Variants in CABCOCO1 observed in about 807,000 individuals in gnomAD.
CABCOCO1 encodes ciliary-associated calcium-binding coiled-coil protein 1.
In CABCOCO1, 28 loss-of-function variants were observed where a neutral mutation model predicts 35.7. That is an observed-to-expected ratio of 0.78 (90% confidence interval 0.58 to 1.07). The LOEUF (loss-of-function observed/expected upper bound fraction) is 1.07. Among genes scored for constraint, CABCOCO1 ranks in the 50% least tolerant of loss-of-function variants. The pLI, the probability that CABCOCO1 is intolerant of heterozygous loss-of-function variation, is 0.00. For missense variants in CABCOCO1, 326 were observed against 309.2 expected, an observed-to-expected ratio of 1.05 and a Z score of -0.41; for synonymous variants, 95 against 100.1, an observed-to-expected ratio of 0.95 and a Z score of 0.30.
chr10:61,680,503 A>ATTATGTTATATATAACATATAATATG (rs1554821508), intron 2 of CABCOCO1, among the ~76,000 whole-genome samples: 86 of 136,864 alleles, frequency 6.3e-4, no homozygotes, highest in Non-Finnish European at 1.0e-3. Context: ...TATATGTTAT[A>ATTATGTTATATATAACATATAATATG]TTATGTTATA....
At chr10:61,721,608 C>T (rs1355280731) in intron 5 of CABCOCO1, among the ~76,000 whole-genome samples, 2 of 152,116 alleles carry the variant, frequency 1.3e-5, no homozygotes, top group Admixed American at 1.3e-4. Flanking sequence ...ACTGAAGTCA[C>T]AGAGTACAGC....
chr10:61,681,308 TAAAAG>T lies in CABCOCO1; in HGVS notation c.331_334+1del. The T allele has an allele frequency of 6.5e-7, 1 of 1,534,318 alleles. No individual in the cohort carries two copies. Among genetic ancestry groups the T allele is most frequent in the Non-Finnish European group, 8.9e-7 (1 of 1,120,738 alleles). ...TACTAGCTATGTCACTTCAAAATCT[TAAAAG>T]TAAGTACACTATTTTCCTTTGAAGT... On this transcript the variant is annotated splice_donor_variant and coding_sequence_variant, in exon 3 of 8. Coordinates refer to ENST00000648843, the MANE Select transcript of CABCOCO1 (RefSeq NM_001366906.2). LOFTEE classifies it high-confidence loss of function.
intron 5 of CABCOCO1, among the ~76,000 whole-genome samples, chr10:61,746,659 CTCTG>C (rs1841668827): frequency 6.6e-6 from 1 of 152,100 alleles, no homozygotes; most frequent in African/African-American, 2.4e-5. Context: ...GTCTTAATGG[CTCTG>C]TCTGATTCTG....
Position 61,686,126 on chromosome 10 carries a change from G to A in CABCOCO1, c.420G>A (p.Glu140=), listed in dbSNP as rs1564535088. 6.2e-7 allele frequency: 1 copy of A among 1,603,368 alleles called. No individual in the cohort carries two copies. The highest frequency in any genetic ancestry group is 8.5e-7 in the Non-Finnish European group (1 of 1,176,990). The change falls in exon 4 of 8, where the codon GAG becomes GAA. Residue 140 remains glutamate (E), a synonymous_variant. Coordinates refer to ENST00000648843, the MANE Select transcript of CABCOCO1 (RefSeq NM_001366906.2). ...EIGPTHSQKS[E]DWNIFDVKQA... ...GACCAACACATTCGCAAAAGAGTGA[G>A]GACTGGAATATCTTTGATGTAAAAC... is the stretch of plus-strand genomic sequence containing the variant.
intron 4 of CABCOCO1, among the ~76,000 whole-genome samples, chr10:61,688,613 C>A (rs138143507): frequency 5.1e-4 from 78 of 152,174 alleles, no homozygotes; most frequent in African/African-American, 1.8e-3. Flanking sequence ...TGGATTCTAC[C>A]TATTTTTGGG....
chr10:61,718,793 T>C (rs972994867), intron 5 of CABCOCO1, among the ~76,000 whole-genome samples: 30 of 152,180 alleles, frequency 2.0e-4, no homozygotes, highest in Admixed American at 1.0e-3. Flanking sequence ...TATATATTAT[T>C]TTACCACATC....
At chr10:61,754,501 A>G (rs929809424) in intron 5 of CABCOCO1, among the ~76,000 whole-genome samples, 7 of 152,138 alleles carry the variant, frequency 4.6e-5, no homozygotes, top group Admixed American at 4.6e-4. Flanking sequence ...AAATTGTAGT[A>G]TTGGCCTTAA....
rs146987669 is a variant in CABCOCO1 at position 61,737,504 on chromosome 10, C to G, written c.553-22555C>G. Among the ~76,000 whole-genome samples the G allele has an allele frequency of 7.2e-5, 11 of 152,190 alleles. No individual in the cohort carries two copies. The East Asian group carries it at 2.1e-3, about 29-fold the overall frequency. Reference sequence around the variant, plus strand: ...ATTCTACCATAAAGACACATTCACGCGAATTTTTGTTGCAGCACTATTCAC... The same window carrying G: ...ATTCTACCATAAAGACACATTCACGGGAATTTTTGTTGCAGCACTATTCAC... On this transcript the variant is annotated intron_variant, in intron 5 of 7. Transcript: ENST00000648843.
chr10:61,743,336 C>G (rs1841589856), intron 5 of CABCOCO1, among the ~76,000 whole-genome samples: 1 of 152,126 alleles, frequency 6.6e-6, no homozygotes, highest in Non-Finnish European at 1.5e-5. Flanking sequence ...ATACTTACTT[C>G]TAGACATGAC....
Position 61,663,376 on chromosome 10 carries a change from T to TG in CABCOCO1, c.60+344_60+345insG, listed in dbSNP as rs199769207. 3.1e-3 allele frequency among the ~76,000 whole-genome samples: 474 copies of TG among 151,328 alleles called. 3 individuals carry two copies. The highest frequency in any genetic ancestry group is 0.011 in the African/African-American group (451 of 41,384). ...GTTTTGTTTTTTGGTTTTTCATGTT[T>TG]TTTTTTTTTTTAATTCTAGGTAAAA... On this transcript the variant is annotated intron_variant, in intron 1 of 7. Coordinates refer to ENST00000648843, the MANE Select transcript of CABCOCO1 (RefSeq NM_001366906.2).
intron 4 of CABCOCO1, 45 bp from the exon 5 acceptor site, chr10:61,690,504 T>A: frequency 7.5e-7 from 1 of 1,341,802 alleles, no homozygotes; most frequent in Non-Finnish European, 1.1e-6. Flanking sequence ...GTGTTTTTTT[T>A]CCTGAAATCA....
Position 61,699,665 on chromosome 10 carries a change from C to T in CABCOCO1, c.552+9044C>T, listed in dbSNP as rs146077360. 3.3e-3 allele frequency among the ~76,000 whole-genome samples: 495 copies of T among 151,870 alleles called. 2 individuals carry two copies. The highest frequency in any genetic ancestry group is 5.0e-3 in the Non-Finnish European group (340 of 67,950). On this transcript the variant is annotated intron_variant, in intron 5 of 7. Transcript: ENST00000648843. Reference sequence around the variant, plus strand: ...CACTTTTCTTACAGAAAAAAAAAAGCGAGAGAAGAAGGAAGGAATAAAAAG... The same window carrying T: ...CACTTTTCTTACAGAAAAAAAAAAGTGAGAGAAGAAGGAAGGAATAAAAAG...
chr10:61,760,226 A>G, intron 6 of CABCOCO1, 45 bp downstream of exon 6: 12 of 1,591,558 alleles, frequency 7.5e-6, no homozygotes, highest in Non-Finnish European at 9.5e-6. Context: ...TCATCATTAT[A>G]TTCTCTTGGG....
chr10:61,755,366 G>C lies in CABCOCO1; in HGVS notation c.553-4693G>C, dbSNP rs370027960. Among the ~76,000 whole-genome samples the C allele has an allele frequency of 3.2e-4, 48 of 152,148 alleles. 2 individuals are homozygous for C. The South Asian group carries it at 8.1e-3, about 26-fold the overall frequency. ...CAAATGAGTAATGCCTTTCTTCAAG[G>C]GGGGGAAAATAGTTAAAACATTACA... On this transcript the variant is annotated intron_variant, in intron 5 of 7. Coordinates refer to ENST00000648843, the MANE Select transcript of CABCOCO1 (RefSeq NM_001366906.2).
At chr10:61,706,814 C>A (rs1840603385) in intron 5 of CABCOCO1, among the ~76,000 whole-genome samples, 1 of 152,050 alleles carries the variant, frequency 6.6e-6, no homozygotes, top group South Asian at 2.1e-4. Context: ...TTGGGTGCAT[C>A]CTTCACAGGT....
chr10:61,704,441 C>G (rs1363931761), intron 5 of CABCOCO1, among the ~76,000 whole-genome samples: 2 of 152,154 alleles, frequency 1.3e-5, no homozygotes, highest in African/African-American at 2.4e-5. Context: ...GGTTGCTATG[C>G]TATAAGGACA....
At chr10:61,721,171 G>C (rs1841010578) in intron 5 of CABCOCO1, among the ~76,000 whole-genome samples, 1 of 151,282 alleles carries the variant, frequency 6.6e-6, no homozygotes, top group Admixed American at 6.6e-5. Context: ...TGATCCACCC[G>C]TCTCAGCCTC....
intron 5 of CABCOCO1, among the ~76,000 whole-genome samples, chr10:61,742,689 C>T (rs576730758): frequency 1.3e-5 from 2 of 152,272 alleles, no homozygotes; most frequent in South Asian, 2.1e-4. Context: ...TTACAGTGCC[C>T]AGCATACATT....
At chr10:61,663,963 G>A (rs776704357) in intron 1 of CABCOCO1, among the ~76,000 whole-genome samples, 1 of 151,672 alleles carries the variant, frequency 6.6e-6, no homozygotes, top group East Asian at 1.9e-4. Flanking sequence ...TTCCTTATTC[G>A]TTGGTCTAAA....
Sources: allele counts gnomAD v4.1 joint callset (sites outside exome capture counted in the v4.1 genomes callset), GRCh38; gene constraint gnomAD v4.1.1; transcripts MANE v1.5; gene names NCBI Gene and HGNC (gene_info 2026-07-23, HGNC 2026-07-21).